The following WDPCP variants were observed in gnomAD, a reference collection of about 807,000 sequenced individuals.
WDPCP encodes WD repeat-containing and planar cell polarity effector protein fritz homolog.
Under a neutral mutation model 93.1 loss-of-function variants are expected in WDPCP, and 71 were observed. The observed-to-expected ratio is 0.76, with a 90% CI of 0.63 to 0.93. WDPCP has a LOEUF of 0.93. Ranked by LOEUF, WDPCP falls within the 40% of genes least tolerant of loss-of-function variation. The pLI is 0.00. For synonymous variants in WDPCP, 315 were observed against 315.0 expected (o/e 1.00, Z 0.00); for missense variants, 844 against 887.4 (o/e 0.95, Z 0.62).
At chr2:63,332,128 T>A (rs544826579) in intron 12 of WDPCP, among the ~76,000 whole-genome samples, 1 of 150,786 alleles carries the variant, frequency 6.6e-6, no homozygotes, top group African/African-American at 2.4e-5. Context: ...ATATATATAT[T>A]TTTATGTATA....
intron 6 of WDPCP, among the ~76,000 whole-genome samples, chr2:63,465,116 G>A (rs1575471407): frequency 6.6e-6 from 1 of 151,804 alleles, no homozygotes; most frequent in East Asian, 1.9e-4. Context: ...AGATCAAACT[G>A]ACAGGTTAAA....
intron 14 of WDPCP, among the ~76,000 whole-genome samples, chr2:63,239,703 TC>T (rs1442062183): frequency 6.6e-6 from 1 of 152,166 alleles, no homozygotes; most frequent in African/African-American, 2.4e-5. Flanking sequence ...GTTAAATCAT[TC>T]TGTTTATTTA....
chr2:63,510,094 A>C (rs1199559419), intron 1 of WDPCP, among the ~76,000 whole-genome samples: 2 of 152,238 alleles, frequency 1.3e-5, no homozygotes, highest in African/African-American at 4.8e-5. Context: ...GGCCAGCATC[A>C]TCCTCATACG....
In WDPCP at chr2:63,564,035, G is replaced by C. The variant is rs529716853; in HGVS notation, c.75+24162C>G. The C allele has an allele frequency of 5.3e-5, 8 of 152,256 alleles. No individual in the cohort carries two copies. In the South Asian group the frequency reaches 1.7e-3, roughly 32 times the overall value. 9.4% of individuals were successfully genotyped at this position (152,256 alleles called of 1,614,324 possible). A position where few individuals can be genotyped will look rare whatever the true frequency, so the allele number is the denominator to read the frequency against. On this transcript the variant is annotated intron_variant, in intron 1 of 17. Coordinates refer to ENST00000272321, the MANE Select transcript of WDPCP (RefSeq NM_015910.7). The stretch of plus-strand genomic sequence containing the variant: ...TGAATTATATCACAATAAAAATGGA[G>C]GGCTGGTAATGCAAGATTCCTTAAT...
chr2:63,819,967 C>CA (rs1336142581), intron 1 of WDPCP, among the ~76,000 whole-genome samples: 1 of 152,170 alleles, frequency 6.6e-6, no homozygotes, highest in East Asian at 1.9e-4. Flanking sequence ...GGGACTCTGG[C>CA]AGTTGCTTTT....
At chr2:63,594,904 C>T (rs1709275141) in intron 3 of WDPCP, 1 of 273,384 alleles carries the variant, frequency 3.7e-6, no homozygotes, top group Non-Finnish European at 7.0e-6. Context: ...TCAGTAAGCA[C>T]TCCCTTGTTC....
intron 2 of WDPCP, among the ~76,000 whole-genome samples, chr2:63,754,549 G>T (rs529179442): frequency 1.8e-4 from 28 of 152,226 alleles, no homozygotes; most frequent in Non-Finnish European, 3.5e-4. Context: ...AGAATACAAA[G>T]TTGGTGTATT....
At chr2:63,409,240 CCCAGTA>C (rs1694843988) in intron 9 of WDPCP, among the ~76,000 whole-genome samples, 1 of 152,186 alleles carries the variant, frequency 6.6e-6, no homozygotes, top group Non-Finnish European at 1.5e-5. Flanking sequence ...GCAGACAACC[CCCAGTA>C]CCAGACCAGA....
rs142480528 is a variant in WDPCP, at chr2:63,604,244, A to G, written n.488+46415T>C. 6.7e-3 allele frequency among the ~76,000 whole-genome samples: 1,015 copies of G among 152,360 alleles called. 13 individuals carry two copies. Among genetic ancestry groups the G allele is most frequent in the African/African-American group, 0.023 (969 of 41,590 alleles). ...ATTTGAAAATTAATTTCTATATGGT[A>G]TATAATAAAAATTTTACCTAAATAT... On this transcript the variant is annotated intron_variant and non_coding_transcript_variant, in intron 3 of 4. Coordinates refer to the WDPCP transcript ENST00000467687.
intron 14 of WDPCP, among the ~76,000 whole-genome samples, chr2:63,191,762 G>A (rs1222232803): frequency 6.6e-6 from 1 of 151,898 alleles, no homozygotes; most frequent in African/African-American, 2.4e-5. Flanking sequence ...TTTTTTTATG[G>A]CCCACAATCT....
intron 12 of WDPCP, among the ~76,000 whole-genome samples, chr2:63,349,417 C>A (rs1405950250): frequency 1.3e-5 from 2 of 151,942 alleles, no homozygotes; most frequent in East Asian, 3.8e-4. Context: ...TCCTAAATTT[C>A]ACTCTATTCT....
chr2:63,503,901 T>G (rs11893294), intron 1 of WDPCP, among the ~76,000 whole-genome samples: 10,290 of 115,796 alleles, frequency 0.089, 1,078 homozygotes, highest in African/African-American at 0.29. Context: ...TGAAGTGAGC[T>G]CAAATGAAAA....
intron 2 of WDPCP, among the ~76,000 whole-genome samples, chr2:63,725,742 G>T (rs892550494): frequency 2.0e-5 from 3 of 151,996 alleles, no homozygotes; most frequent in Non-Finnish European, 4.4e-5. Context: ...TAACCATTCT[G>T]ACTGGTATGA....
intron 3 of WDPCP, among the ~76,000 whole-genome samples, chr2:63,617,512 T>C (rs1327424796): frequency 6.6e-6 from 1 of 152,176 alleles, no homozygotes; most frequent in Non-Finnish European, 1.5e-5. Flanking sequence ...AGCCAGGTGA[T>C]TGAGACTTTC....
At chr2:63,588,710 C>T (rs999118196), upstream of WDPCP, 10 of 488,922 alleles carry the variant, frequency 2.0e-5, no homozygotes, top group Non-Finnish European at 3.4e-5. Context: ...AGGTCCTTTC[C>T]TCCTGAGCCC....
At chr2:63,832,768 T>G (rs150320731), upstream of WDPCP, among the ~76,000 whole-genome samples, 88 of 152,312 alleles carry the variant, frequency 5.8e-4, no homozygotes, top group East Asian at 0.016. Flanking sequence ...TGATACACTC[T>G]GGGGATACAA....
At chr2:63,435,628 T>C (rs943913817) in intron 8 of WDPCP, among the ~76,000 whole-genome samples, 1 of 152,118 alleles carries the variant, frequency 6.6e-6, no homozygotes, top group Admixed American at 6.6e-5. Context: ...TTATGAAATG[T>C]TAGGAAATTT....
At chr2:63,298,301 C>G (rs1320460847) in intron 13 of WDPCP, among the ~76,000 whole-genome samples, 1 of 151,790 alleles carries the variant, frequency 6.6e-6, no homozygotes, top group Non-Finnish European at 1.5e-5. Context: ...TGGGGATAGC[C>G]ATCTGTGATG....
intron 15 of WDPCP, among the ~76,000 whole-genome samples, chr2:63,154,401 C>T (rs919650228): frequency 1.3e-5 from 2 of 152,094 alleles, no homozygotes; most frequent in African/African-American, 4.8e-5. Flanking sequence ...TGGAATTATA[C>T]CATATAAACT....
Sources: gnomAD v4.1 joint callset for allele counts (sites outside exome capture counted in the v4.1 genomes callset) on GRCh38, gnomAD v4.1.1 for gene constraint, MANE v1.5 for transcripts, NCBI Gene and HGNC (gene_info 2026-07-23, HGNC 2026-07-21) for gene names.